Variants in RUFY1 observed in about 807,000 individuals in gnomAD.
The protein encoded by RUFY1 is RUN and FYVE domain containing 1, also known as RUN and FYVE domain-containing protein 1.
In RUFY1, 54 loss-of-function variants were observed where a neutral mutation model predicts 94.6. The ratio of observed to expected loss-of-function variants is 0.57; its 90% CI spans 0.46 to 0.72. The LOEUF (loss-of-function observed/expected upper bound fraction) is 0.72. Ranked by LOEUF, RUFY1 falls within the 30% of genes least tolerant of loss-of-function variation. RUFY1 has a pLI of 0.00. For missense variants in RUFY1, 883 were observed against 883.9 expected, an observed-to-expected ratio of 1.00 and a Z score of 0.01; for synonymous variants, 396 against 347.3, an observed-to-expected ratio of 1.14 and a Z score of -1.56.
intron 10 of RUFY1, among the ~76,000 whole-genome samples, chr5:179,592,662 A>G (rs1385426699): frequency 1.3e-5 from 2 of 152,240 alleles, no homozygotes; most frequent in Non-Finnish European, 2.9e-5. Context: ...CAACCTGTGC[A>G]TCAGTGACCA....
At chr5:179,576,978 G>T in intron 5 of RUFY1, 97 bp from the exon 6 acceptor site, 2 of 876,184 alleles carry the variant, frequency 2.3e-6, no homozygotes, top group Non-Finnish European at 3.8e-6. Flanking sequence ...AATGTTCATA[G>T]GAAAGAGATA....
intron 9 of RUFY1, 87 bp from the exon 10 acceptor site, chr5:179,591,538 T>A (rs1404375773): frequency 9.4e-6 from 8 of 850,032 alleles, no homozygotes; most frequent in South Asian, 6.4e-5. Context: ...TTACATTTTT[T>A]AAAATTGTGG....
At chr5:179,591,132 C>G (rs890848155) in intron 9 of RUFY1, among the ~76,000 whole-genome samples, 5 of 152,026 alleles carry the variant, frequency 3.3e-5, no homozygotes, top group African/African-American at 1.2e-4. Flanking sequence ...CACACCCAGC[C>G]TATGAACTTA....
Position 179,581,022 on chromosome 5 carries a change from CTT to C in RUFY1, c.956+18_956+19del. ...TTAACCGGCACTTGAGGTAAGACTC[CTT>C]TTTTTTTCAATGTGACAGTTACATA... On this transcript the variant is annotated intron_variant, in intron 7 of 17. Transcript: ENST00000319449. 1.9e-6 allele frequency: 3 copies of C among 1,539,544 alleles called. No homozygotes were observed. The highest frequency in any genetic ancestry group is 1.8e-6 in the Non-Finnish European group (2 of 1,123,000).
intron 7 of RUFY1, among the ~76,000 whole-genome samples, chr5:179,582,619 G>A (rs985739417): frequency 1.3e-5 from 2 of 151,814 alleles, no homozygotes; most frequent in South Asian, 2.1e-4. Flanking sequence ...TTGGGAGGCC[G>A]ACGTGGGTGG....
rs766329621 is a variant in RUFY1 at position 179,569,348 on chromosome 5, G to A, written c.751G>A (p.Val251Met). ...EALMMEEEGM[V>M]IVGLLVGLNV... ...TTTAATGATGGAGGAAGAAGGGATG[G>A]TGATTGTTGGTCTGCTGGTGGGACT... Residue 251 changes from valine (V) to methionine (M), a missense_variant, in exon 5 of 18, where the codon GTG becomes ATG. Physicochemically the swap from Val to Met is conservative, Grantham distance 21 (BLOSUM62 1). Transcript: ENST00000319449. 6.2e-7 allele frequency: 1 copy of A among 1,613,838 alleles called. No homozygotes were observed. The highest frequency in any genetic ancestry group is 8.5e-7 in the Non-Finnish European group (1 of 1,180,016).
At position 179,563,055 on chromosome 5, in the gene RUFY1, G is replaced by A. The variant is rs117693179; in HGVS notation, c.602+391G>A. On this transcript the variant is annotated intron_variant, in intron 3 of 17. Transcript: ENST00000319449. Reference sequence around the variant, plus strand: ...TGTAATTTGTTAGGGTGGGACTAACGAATTATTTGCCATGTCTGGATTTGT... The same window carrying A: ...TGTAATTTGTTAGGGTGGGACTAACAAATTATTTGCCATGTCTGGATTTGT... The A allele has an allele frequency of 5.5e-4, 87 of 158,778 alleles. 2 individuals are homozygous for A. The East Asian group carries it at 0.015, about 27-fold the overall frequency. 9.8% of individuals were successfully genotyped at this position (158,778 alleles called of 1,614,324 possible).
chr5:179,607,781 G>A, intron 17 of RUFY1, 122 bp downstream of exon 17: 1 of 785,996 alleles, frequency 1.3e-6, no homozygotes, highest in Non-Finnish European at 2.1e-6. Context: ...TGCTGACTGT[G>A]GCAGATGGGC....
At chr5:179,570,329 A>G (rs1763132691) in intron 5 of RUFY1, among the ~76,000 whole-genome samples, 1 of 152,248 alleles carries the variant, frequency 6.6e-6, no homozygotes, top group Admixed American at 6.5e-5. Context: ...AAGAATAGAT[A>G]CAGCAAAAGC....
chr5:179,559,893 C>A (rs1762307857), intron 1 of RUFY1, 132 bp from the exon 2 acceptor site: 1 of 1,431,174 alleles, frequency 7.0e-7, no homozygotes, highest in South Asian at 1.5e-5. Flanking sequence ...CCCGGTTGCC[C>A]GCCCGCCAGC....
chr5:179,572,820 A>G (rs1763324194), intron 5 of RUFY1: 1 of 152,578 alleles, frequency 6.6e-6, no homozygotes, highest in African/African-American at 2.4e-5. Context: ...TGCCCCTCCA[A>G]TCTCCACAGT....
At chr5:179,605,535 A>G (rs72824529) in intron 15 of RUFY1, among the ~76,000 whole-genome samples, 13,662 of 152,172 alleles carry the variant, frequency 0.09, 692 homozygotes, top group Middle Eastern at 0.13. Flanking sequence ...GGAGAGCGGT[A>G]GAGACTAGTG....
At chr5:179,607,774 T>TG (rs1178908579) in intron 17 of RUFY1, 115 bp downstream of exon 17, 1 of 872,786 alleles carries the variant, frequency 1.1e-6, no homozygotes, top group Admixed American at 2.2e-5. Context: ...GTGACTGTGC[T>TG]GACTGTGGCA....
chr5:179,598,471 G>A (rs576200038), intron 13 of RUFY1: 62 of 583,688 alleles, frequency 1.1e-4, no homozygotes, highest in African/African-American at 2.7e-4. Flanking sequence ...TCTCCCCTGC[G>A]TAAGTGTCAA....
chr5:179,562,757 A>G (rs1226350977), intron 3 of RUFY1, 93 bp downstream of exon 3: 10 of 739,896 alleles, frequency 1.4e-5, no homozygotes, highest in Non-Finnish European at 2.2e-5. Context: ...GCCCTTTCTA[A>G]TTGGAAAGAG....
chr5:179,586,042 G>A (rs373789428), intron 8 of RUFY1, among the ~76,000 whole-genome samples, 177 bp downstream of exon 8: 15 of 152,338 alleles, frequency 9.8e-5, no homozygotes, highest in African/African-American at 3.4e-4. Flanking sequence ...GAGGCTCCCA[G>A]TGAGACACTG....
In RUFY1 at chr5:179,601,262, G is replaced by A. The variant is rs953742351; in HGVS notation, c.1762-630G>A. On this transcript the variant is annotated intron_variant, in intron 14 of 17. Coordinates refer to ENST00000319449, the MANE Select transcript of RUFY1 (RefSeq NM_025158.5). ...CGGCTCACTGCAACCTCCGCCTCCC[G>A]GGTTCAAGCAGTTCTCTTGCCTCAG... 3.3e-5 allele frequency among the ~76,000 whole-genome samples: 5 copies of A among 151,676 alleles called. No homozygotes were observed. The East Asian group carries it at 8.0e-4, about 24-fold the overall frequency.
At chr5:179,596,988 T>A in intron 13 of RUFY1, 2 of 341,872 alleles carry the variant, frequency 5.9e-6, no homozygotes. Flanking sequence ...TTGTCAGTGT[T>A]GAACAGAAAG....
At position 179,568,381 on chromosome 5, in the gene RUFY1, C is replaced by T. The variant is rs1021145059; in HGVS notation, c.704+819C>T. On this transcript the variant is annotated intron_variant, in intron 4 of 17. Transcript: ENST00000319449. ...CTGTGATGATTTACGAGGAAGGACTCTTTCCAGAGTTAAAGCTTTCTTGTA... is the reference window on the plus strand; with the variant it reads ...CTGTGATGATTTACGAGGAAGGACTTTTTCCAGAGTTAAAGCTTTCTTGTA... 7.2e-5 allele frequency among the ~76,000 whole-genome samples: 11 copies of T among 152,322 alleles called. No individual in the cohort carries two copies. In the East Asian group the frequency reaches 9.6e-4, roughly 13 times the overall value.
Sources: gnomAD v4.1 joint callset for allele counts (sites outside exome capture counted in the v4.1 genomes callset) on GRCh38, gnomAD v4.1.1 for gene constraint, MANE v1.5 for transcripts, NCBI Gene and HGNC (gene_info 2026-07-23, HGNC 2026-07-21) for gene names.